TTN: variants seen among roughly 807,000 people sequenced by gnomAD.
TTN encodes connectin.
A neutral mutation model predicts 3,223.0 loss-of-function variants in TTN; 1,525 were observed. The observed-to-expected ratio is 0.47, with a 90% CI of 0.45 to 0.49. The LOEUF is 0.49. TTN is among the 20% of genes least tolerant of loss of function. The pLI is 0.00. For missense variants in TTN, 40,786 were observed against 43,424.0 expected (o/e 0.94, Z 5.40); for synonymous variants, 14,094 against 15,161.0 (o/e 0.93, Z 5.17).
chr2:178,790,591 G>T lies in TTN; in HGVS notation c.1800+117C>A. 5 of 1,516,988 alleles carry T rather than the reference G, an allele frequency of 3.3e-6. No individual in the cohort carries two copies. In the Admixed American group the frequency reaches 8.5e-5, roughly 26 times the overall value. 94.0% of individuals were successfully genotyped at this position (1,516,988 alleles called of 1,614,324 possible). Reference sequence around the variant, plus strand: ...GTGTGGGAAAAGAAATTTTCTATTTGCATTATAAGAAGAGGTGGAAGTGAA... The same window carrying T: ...GTGTGGGAAAAGAAATTTTCTATTTTCATTATAAGAAGAGGTGGAAGTGAA... On this transcript the variant is annotated intron_variant, in intron 11 of 362. Coordinates refer to ENST00000589042, the MANE Select transcript of TTN (RefSeq NM_001267550.2).
intron 140 of TTN, 53 bp downstream of exon 140, chr2:178,679,841 C>A: frequency 1.2e-6 from 2 of 1,601,266 alleles, no homozygotes; most frequent in Non-Finnish European, 1.7e-6. Flanking sequence ...CAAATCAGAC[C>A]CCCAAACTCC....
rs759010767 is a variant in TTN, at chr2:178,781,236, G to T, written c.3408C>A (p.Thr1136=). Residue 1136 remains threonine (T), a synonymous_variant, in exon 21 of 363, where the codon ACC becomes ACA. Transcript: ENST00000589042. ...YRYKVSYNKQ[T]GECKLVISMT... The stretch of plus-strand genomic sequence containing the variant: ...TAGAAATCACCAGCTTGCATTCACC[G>T]GTTTGTTTGTTGTAACTCACTTTGT... 1.2e-6 allele frequency: 2 copies of T among 1,613,980 alleles called. No individual in the cohort carries two copies. The highest frequency in any genetic ancestry group is 1.7e-6 in the Non-Finnish European group (2 of 1,179,964).
intron 126 of TTN, 121 bp from the exon 127 acceptor site, chr2:178,688,345 C>G (rs908378377): frequency 3.4e-6 from 3 of 873,276 alleles, no homozygotes; most frequent in Non-Finnish European, 5.5e-6. Context: ...CTTCATGGTA[C>G]TTCCTCACTA....
chr2:178,800,603 C>T lies in TTN; in HGVS notation c.375G>A (p.Val125=), dbSNP rs770365783. 1 of 1,613,522 alleles carries T rather than the reference C, an allele frequency of 6.2e-7. No individual in the cohort carries two copies. Among genetic ancestry groups the T allele is most frequent in the East Asian group, 2.2e-5 (1 of 44,872 alleles). ...CAGGTGTAGGGATTCCAGTCACTCT[C>T]ACTTGGAGTCTCACTTGGCTTCCTT... is the stretch of plus-strand genomic sequence containing the variant. ...VRQGSQVRLQ[V]RVTGIPTPVV... The change falls in exon 4 of 363, where the codon GTG becomes GTA. Residue 125 remains valine (V), a synonymous_variant. Coordinates refer to ENST00000589042, the MANE Select transcript of TTN (RefSeq NM_001267550.2).
chr2:178,777,242 T>A lies in TTN; in HGVS notation c.4721A>T (p.Glu1574Val). The A allele has an allele frequency of 6.2e-7, 1 of 1,614,122 alleles. No individual in the cohort carries two copies. Residue 1574 changes from glutamate (E) to valine (V), a missense_variant, in exon 27 of 363, where the codon GAA (glutamate) becomes GTA (valine). Glu to Val is a moderately radical substitution (Grantham distance 121). Coordinates refer to ENST00000589042, the MANE Select transcript of TTN (RefSeq NM_001267550.2). ...NVNIKEGSRL[E>V]MKVRATGNPN... ...GTTACCCGTAGCTCTGACTTTCATT[T>A]CAAGTCGGGAACCTTCCTTTATATT...
intron 13 of TTN, among the ~76,000 whole-genome samples, chr2:178,786,751 A>G (rs1293869616): frequency 6.6e-6 from 1 of 152,214 alleles, no homozygotes; most frequent in African/African-American, 2.4e-5. Context: ...CTTAAAACAC[A>G]CAGATGACAA....
chr2:178,716,379 A>T (rs1327766514), intron 88 of TTN, among the ~76,000 whole-genome samples: 1 of 152,174 alleles, frequency 6.6e-6, no homozygotes, highest in African/African-American at 2.4e-5. Context: ...AGTAAAAGTG[A>T]TTAGCTATAT....
In TTN at chr2:178,569,537, A is replaced by G. The variant is rs55984930; in HGVS notation, c.76595T>C (p.Val25532Ala). The change falls in exon 326 of 363, where the codon GTT (valine) becomes GCT (alanine). Residue 25532 changes from valine to alanine, a missense_variant. Coordinates refer to ENST00000589042, the MANE Select transcript of TTN (RefSeq NM_001267550.2). Reference protein sequence around the residue: ...IRAGGSLRLFVPIKGRPTPEV... With the variant: ...IRAGGSLRLFAPIKGRPTPEV... ...TGGTGTAGGACGACCTTTTATAGGAACAAATAACCTTAAGGAGCCACCTGC... is the reference window on the plus strand; with the variant it reads ...TGGTGTAGGACGACCTTTTATAGGAGCAAATAACCTTAAGGAGCCACCTGC... The G allele has an allele frequency of 6.8e-6, 11 of 1,612,684 alleles. No individual in the cohort carries two copies. Among genetic ancestry groups the G allele is most frequent in the Non-Finnish European group, 9.3e-6 (11 of 1,179,314 alleles).
At chr2:178,673,575 T>C in intron 152 of TTN, 58 bp downstream of exon 152, 3 of 1,415,520 alleles carry the variant, frequency 2.1e-6, no homozygotes. Context: ...AAAATGTTGC[T>C]TTTAAGAAAG....
At chr2:178,709,886 A>T in intron 98 of TTN, 30 bp from the exon 99 acceptor site, 1 of 1,563,566 alleles carries the variant, frequency 6.4e-7, no homozygotes, top group Non-Finnish European at 8.6e-7. Context: ...TATATGAAGT[A>T]GAAGCTAGAA....
rs780863409 is a variant in TTN at position 178,739,649 on chromosome 2, A to G, written c.13584T>C (p.Tyr4528=). 24 of 1,613,772 alleles carry G rather than the reference A, an allele frequency of 1.5e-5. No homozygotes were observed. The East Asian group carries it at 5.3e-4, about 36-fold the overall frequency. ...AACTGACCTCTTCAGTTGAGATCAGATATTTAGATTCAACTTCTGGTTCAG... is the reference window on the plus strand; with the variant it reads ...AACTGACCTCTTCAGTTGAGATCAGGTATTTAGATTCAACTTCTGGTTCAG... ...PITEPEVESK[Y]LISTEEVSYF... The change falls in exon 48 of 363, where the codon TAT becomes TAC. Residue 4528 remains tyrosine (Y), a synonymous_variant. Transcript: ENST00000589042.
chr2:178,608,150 T>C (rs768513168), intron 275 of TTN, 28 bp downstream of exon 275: 1 of 1,600,456 alleles, frequency 6.2e-7, no homozygotes, highest in Non-Finnish European at 8.5e-7. Flanking sequence ...CTTGTTCTAC[T>C]CCACCTTCTT....
Position 178,647,133 on chromosome 2 carries a change from G to A in TTN, c.40153C>T (p.Pro13385Ser). The change falls in exon 215 of 363, where the codon CCT becomes TCT. Residue 13385 changes from proline to serine, a missense_variant. Transcript: ENST00000589042. Reference sequence around the variant, plus strand: ...TTTTCTTCATATATTATTTCCTCAGGAGTCTCTTCAACTTTAAAAAACATA... The same window carrying A: ...TTTTCTTCATATATTATTTCCTCAGAAGTCTCTTCAACTTTAAAAAACATA... Reference protein sequence around the residue: ...EVPPAEVEETPEEIIYEEKAS... With the variant: ...EVPPAEVEETSEEIIYEEKAS... The A allele has an allele frequency of 1.4e-6, 2 of 1,435,924 alleles. No homozygotes were observed. Among genetic ancestry groups the A allele is most frequent in the East Asian group, 2.6e-5 (1 of 38,706 alleles). 88.9% of individuals were successfully genotyped at this position (1,435,924 alleles called of 1,614,324 possible).
At chr2:178,650,671 G>C (rs1316091669) in intron 209 of TTN, 80 bp downstream of exon 209, 1 of 1,290,156 alleles carries the variant, frequency 7.8e-7, no homozygotes, top group Non-Finnish European at 1.1e-6. Flanking sequence ...GAAATAATGA[G>C]TTAGGAAGGA....
In TTN at chr2:178,695,365, G is replaced by A. The variant is rs1381456965; in HGVS notation, c.31253C>T (p.Ala10418Val). 2.5e-6 allele frequency: 4 copies of A among 1,612,028 alleles called. No homozygotes were observed. In the South Asian group the frequency reaches 4.4e-5, roughly 18 times the overall value. The change falls in exon 115 of 363, where the codon GCA becomes GTA. Residue 10418 changes from alanine to valine, a missense_variant. Ala to Val is a moderately conservative substitution (Grantham distance 64). Coordinates refer to ENST00000589042, the MANE Select transcript of TTN (RefSeq NM_001267550.2). ...TTACTTACCTTTAGGAGGTGGTGGT[G>A]CTTTCTTTTCAGGTACTTTGGCTGG... ...KVPAKVPEKK[A>V]PPPPKVIKKP...
In TTN at chr2:178,771,465, G is replaced by T. The variant is rs753441258; in HGVS notation, c.7862C>A (p.Ala2621Asp). ...CTGATCTGTGAGTGGCTTGGAGATG[G>T]CCCCACCTTTGGAACAAGAGATGTA... ...TSGKLTVAGG[A>D]ISKPLTDQTV... Residue 2621 changes from alanine (A) to aspartate (D), a missense_variant, in exon 34 of 363, where the codon GCC (alanine) becomes GAC (aspartate). By Grantham distance (126) the Ala-to-Asp change is moderately radical. Transcript: ENST00000589042. 9.9e-6 allele frequency: 16 copies of T among 1,613,722 alleles called. No individual in the cohort carries two copies. The Admixed American group carries it at 2.5e-4, about 25-fold the overall frequency.
chr2:178,783,584 C>T (rs767999765), intron 17 of TTN, 136 bp downstream of exon 17: 74 of 755,056 alleles, frequency 9.8e-5, no homozygotes, highest in African/African-American at 3.2e-4. Context: ...AGACCAAATA[C>T]GGTCTTAAAA....
intron 123 of TTN, 35 bp from the exon 124 acceptor site, chr2:178,689,408 A>T (rs1473306896): frequency 3.7e-6 from 6 of 1,611,314 alleles, no homozygotes; most frequent in East Asian, 2.2e-5. Context: ...AAATTTGTCA[A>T]AAAGGCCAAA....
Position 178,785,991 on chromosome 2 carries a change from C to G in TTN, c.2227G>C (p.Ala743Pro), listed in dbSNP as rs370728359. The change falls in exon 14 of 363, where the codon GCC becomes CCC. Residue 743 changes from alanine (A) to proline (P), a missense_variant. Transcript: ENST00000589042. ...LEYGYKERIS[A>P]AKVAEPPQRP... is the part of the protein sequence containing the mutation. ...TGGGGAGGCTCAGCTACCTTTGCGG[C>G]GGAAATGCGTTCCTTATATCCGTAC... The G allele has an allele frequency of 2.5e-6, 4 of 1,613,890 alleles. No homozygotes were observed. The highest frequency in any genetic ancestry group is 3.4e-6 in the Non-Finnish European group (4 of 1,179,994).
Sources: allele counts gnomAD v4.1 joint callset (sites outside exome capture counted in the v4.1 genomes callset), GRCh38; gene constraint gnomAD v4.1.1; transcripts MANE v1.5; gene names NCBI Gene and HGNC (gene_info 2026-07-23, HGNC 2026-07-21).